Variants in NRXN3 observed in about 807,000 individuals in gnomAD.
The protein encoded by NRXN3 is neurexin 3.
NRXN3 carries 32 observed loss-of-function variants against 137.6 expected under a neutral mutation model. The ratio of observed to expected loss-of-function variants is 0.23; its 90% CI spans 0.18 to 0.31. NRXN3 has a LOEUF of 0.31. Among genes scored for constraint, NRXN3 ranks in the 10% least tolerant of loss-of-function variants. The probability of loss-of-function intolerance (pLI) is 1.00; values close to 1 mark genes in which losing one functional copy is unlikely to be tolerated. For missense variants in NRXN3, 1,574 were observed against 2,062.5 expected (o/e 0.76, Z 4.59); for synonymous variants, 798 against 784.5 (o/e 1.02, Z -0.29).
intron 20 of NRXN3, among the ~76,000 whole-genome samples, chr14:79,837,544 A>G (rs976869403): frequency 1.3e-4 from 20 of 152,148 alleles, no homozygotes; most frequent in African/African-American, 4.8e-4. Flanking sequence ...CCTTCTCTGA[A>G]AACACACTGA....
chr14:79,467,001 C>A (rs1238071275), intron 15 of NRXN3, among the ~76,000 whole-genome samples: 1 of 152,170 alleles, frequency 6.6e-6, no homozygotes, highest in East Asian at 1.9e-4. Context: ...CGACTCTTAC[C>A]AACATCTGCT....
At chr14:79,631,387 G>T (rs1816146) in intron 16 of NRXN3, among the ~76,000 whole-genome samples, 51,159 of 152,226 alleles carry the variant, frequency 0.34, 11,580 homozygotes, top group African/African-American at 0.65. Flanking sequence ...AGTCCGCCGC[G>T]GCGCTGTGGG....
intron 19 of NRXN3, among the ~76,000 whole-genome samples, chr14:79,720,976 A>C (rs1219807391): frequency 6.6e-6 from 1 of 152,172 alleles, no homozygotes; most frequent in East Asian, 1.9e-4. Flanking sequence ...CTAAGAGTTA[A>C]AATACTGAGT....
chr14:79,675,095 A>G (rs2098633450), intron 17 of NRXN3, among the ~76,000 whole-genome samples: 1 of 152,058 alleles, frequency 6.6e-6, no homozygotes, highest in Non-Finnish European at 1.5e-5. Context: ...GTGGTTAAGT[A>G]ACACACTCCA....
intron 15 of NRXN3, among the ~76,000 whole-genome samples, chr14:79,120,565 G>A (rs1054416583): frequency 2.0e-5 from 3 of 151,894 alleles, no homozygotes; most frequent in Admixed American, 1.3e-4. Flanking sequence ...AGAAAAGCAG[G>A]GAGAGTGTGA....
Position 79,633,370 on chromosome 14 carries a change from C to T in NRXN3, c.3445-30408C>T, listed in dbSNP as rs564426161. On this transcript the variant is annotated intron_variant, in intron 16 of 20. Transcript: ENST00000335750. ...GTTCCAACCCAATATGATGTCACCA[C>T]TGGGTGGACCTCTATGGCACCTGTC... 9.9e-5 allele frequency: 15 copies of T among 152,080 alleles called. 1 individual carries two copies. Among genetic ancestry groups the T allele is most frequent in the Admixed American group, 6.5e-4 (10 of 15,292 alleles). 9.4% of individuals were successfully genotyped at this position (152,080 alleles called of 1,614,324 possible).
At chr14:79,182,777 A>G (rs2063087758) in intron 15 of NRXN3, among the ~76,000 whole-genome samples, 1 of 152,208 alleles carries the variant, frequency 6.6e-6, no homozygotes, top group Non-Finnish European at 1.5e-5. Flanking sequence ...CAGGCATTAA[A>G]CAAGTAATTA....
At chr14:79,769,770 A>G (rs2099070424) in intron 19 of NRXN3, among the ~76,000 whole-genome samples, 1 of 152,142 alleles carries the variant, frequency 6.6e-6, no homozygotes, top group African/African-American at 2.4e-5. Flanking sequence ...TTCACACATA[A>G]CAATATTAAC....
intron 8 of NRXN3, among the ~76,000 whole-genome samples, chr14:78,747,008 T>C (rs925594983): frequency 2.6e-5 from 4 of 152,168 alleles, no homozygotes; most frequent in African/African-American, 9.6e-5. Context: ...ATGCCTCCAC[T>C]TGGGAGGAGT....
At chr14:79,385,344 A>T (rs184722604) in intron 15 of NRXN3, among the ~76,000 whole-genome samples, 22 of 151,618 alleles carry the variant, frequency 1.5e-4, no homozygotes, top group Admixed American at 1.4e-3. Context: ...TTTACTGAGA[A>T]TGATGATTTC....
At chr14:79,068,888 A>AG (rs1270189454) in intron 15 of NRXN3, among the ~76,000 whole-genome samples, 9 of 152,068 alleles carry the variant, frequency 5.9e-5, no homozygotes, top group African/African-American at 2.2e-4. Flanking sequence ...GGGAGGTTTC[A>AG]GGGGAAGAAC....
intron 19 of NRXN3, among the ~76,000 whole-genome samples, chr14:79,709,975 G>A (rs1434173858): frequency 1.3e-5 from 2 of 152,114 alleles, no homozygotes; most frequent in Non-Finnish European, 2.9e-5. Context: ...TTATGAGGGA[G>A]AAATGAACAA....
intron 4 of NRXN3, among the ~76,000 whole-genome samples, chr14:78,496,910 G>A (rs1312292910): frequency 6.6e-6 from 1 of 152,098 alleles, no homozygotes; most frequent in African/African-American, 2.4e-5. Flanking sequence ...GGGAGCCACT[G>A]CAGAGTCTTG....
At chr14:79,364,865 C>T (rs563501655) in intron 15 of NRXN3, among the ~76,000 whole-genome samples, 22 of 152,026 alleles carry the variant, frequency 1.4e-4, no homozygotes, top group African/African-American at 4.6e-4. Flanking sequence ...TAGTAGAGAC[C>T]CTTTCCCTTC....
At position 78,947,190 on chromosome 14, in the gene NRXN3, C is replaced by T. The variant is rs544720899; in HGVS notation, c.2276-10052C>T. 4.6e-5 allele frequency among the ~76,000 whole-genome samples: 7 copies of T among 152,306 alleles called. No individual in the cohort carries two copies. The South Asian group carries it at 6.2e-4, about 14-fold the overall frequency. On this transcript the variant is annotated intron_variant, in intron 10 of 20. Transcript: ENST00000335750. ...GTAAGACCATTCTGTGTGGCAGCTA[C>T]CTCTGTCCACAGTGGGTGATCAGCT...
At chr14:79,733,188 G>A (rs2098930090) in intron 19 of NRXN3, among the ~76,000 whole-genome samples, 2 of 152,124 alleles carry the variant, frequency 1.3e-5, no homozygotes, top group Admixed American at 1.3e-4. Context: ...TAAAAGCTCT[G>A]ATGATAAATT....
At chr14:79,688,609 G>C (rs1054392509) in intron 17 of NRXN3, among the ~76,000 whole-genome samples, 7 of 152,208 alleles carry the variant, frequency 4.6e-5, no homozygotes, top group South Asian at 2.1e-4. Context: ...TTTGCTTTCC[G>C]TTTCTTTCCC....
At chr14:78,790,846 C>G (rs2098803223) in intron 8 of NRXN3, among the ~76,000 whole-genome samples, 1 of 152,088 alleles carries the variant, frequency 6.6e-6, no homozygotes, top group African/African-American at 2.4e-5. Context: ...ATGCTAAGAG[C>G]AAAATGAGAG....
intron 15 of NRXN3, among the ~76,000 whole-genome samples, chr14:79,427,144 G>T (rs988493281): frequency 6.6e-6 from 1 of 152,060 alleles, no homozygotes; most frequent in African/African-American, 2.4e-5. Context: ...TTTAAGAGGC[G>T]TGTTTCAACT....
Sources: gnomAD v4.1 joint callset for allele counts (sites outside exome capture counted in the v4.1 genomes callset) on GRCh38, gnomAD v4.1.1 for gene constraint, MANE v1.5 for transcripts, NCBI Gene and HGNC (gene_info 2026-07-23, HGNC 2026-07-21) for gene names.